Variants in CNTN3 observed in about 807,000 individuals in gnomAD.
CNTN3 encodes contactin-3.
In CNTN3, 60 loss-of-function variants were observed where a neutral mutation model predicts 119.1. The ratio of observed to expected loss-of-function variants is 0.50; its 90% confidence interval spans 0.41 to 0.62. The LOEUF is 0.62. Ranked by LOEUF, CNTN3 falls within the 20% of genes least tolerant of loss-of-function variation. The probability of loss-of-function intolerance (pLI) is 0.00; values close to 1 mark genes in which losing one functional copy is unlikely to be tolerated. For missense variants in CNTN3, 1,101 were observed against 1,242.4 expected (o/e 0.89, Z 1.71); for synonymous variants, 450 against 438.7 (o/e 1.03, Z -0.32).
chr3:74,555,536 C>G (rs1318257173), intron 1 of CNTN3, among the ~76,000 whole-genome samples: 3 of 152,184 alleles, frequency 2.0e-5, no homozygotes, highest in Admixed American at 2.0e-4. Context: ...GTGAATCCGT[C>G]TGGTCCTGAA....
rs114454492 is a variant in CNTN3, at chr3:74,264,457, G to A, written c.3031C>T (p.Pro1011Ser). 6.2e-6 allele frequency: 10 copies of A among 1,611,918 alleles called. No homozygotes were observed. The African/African-American group carries it at 1.2e-4, about 19-fold the overall frequency. Reference protein sequence around the residue: ...GSTSAISNVHPMSSYMPIVLF... With the variant: ...GSTSAISNVHSMSSYMPIVLF... ...ACTATAGGCATATAACTTGACATAGGGTGGACATTCGAGATGGCTGAAGTG... is the reference window on the plus strand; with the variant it reads ...ACTATAGGCATATAACTTGACATAGAGTGGACATTCGAGATGGCTGAAGTG... Residue 1011 changes from proline (P) to serine (S), a missense_variant, in exon 23 of 23, where the codon CCT becomes TCT. Coordinates refer to ENST00000263665, the MANE Select transcript of CNTN3 (RefSeq NM_020872.3).
In CNTN3 at chr3:74,432,034, T is replaced by A. The variant is rs537831088; in HGVS notation, c.359-7094A>T. Among the ~76,000 whole-genome samples the A allele has an allele frequency of 6.6e-5, 10 of 151,234 alleles. No homozygotes were observed. The East Asian group carries it at 2.0e-3, about 30-fold the overall frequency. On this transcript the variant is annotated intron_variant, in intron 4 of 22. Coordinates refer to ENST00000263665, the MANE Select transcript of CNTN3 (RefSeq NM_020872.3). ...AACACAGACACAGGCAATGCAATAG[T>A]CTTCCATACATAATATCTTAAACGT...
At chr3:74,369,566 G>T (rs1252991163) in intron 7 of CNTN3, among the ~76,000 whole-genome samples, 193 bp from the exon 8 acceptor site, 2 of 151,200 alleles carry the variant, frequency 1.3e-5, no homozygotes, top group East Asian at 3.9e-4. Context: ...AAAATAAACT[G>T]CATTTTTCTT....
intron 5 of CNTN3, among the ~76,000 whole-genome samples, chr3:74,415,743 A>C (rs4072122): frequency 0.6 from 91,294 of 151,986 alleles, 30,226 homozygotes; most frequent in East Asian, 0.81. Flanking sequence ...TTTCGTCCTT[A>C]ATCTCTGCCC....
intron 19 of CNTN3, among the ~76,000 whole-genome samples, chr3:74,286,201 G>GC (rs1392886937): frequency 6.6e-5 from 10 of 152,104 alleles, no homozygotes; most frequent in Non-Finnish European, 1.3e-4. Flanking sequence ...CATGAAGGTA[G>GC]CATCTACAGA....
chr3:74,584,215 C>A (rs182703515), intron 1 of CNTN3, among the ~76,000 whole-genome samples: 8 of 152,088 alleles, frequency 5.3e-5, no homozygotes, highest in Admixed American at 5.2e-4. Flanking sequence ...TCATTTTTTA[C>A]AATAAAATAT....
chr3:74,592,916 T>A (rs565479401), intron 1 of CNTN3, among the ~76,000 whole-genome samples: 2 of 152,130 alleles, frequency 1.3e-5, no homozygotes, highest in South Asian at 4.1e-4. Flanking sequence ...CTGCTGCCTT[T>A]AATCACTTCA....
intron 13 of CNTN3, among the ~76,000 whole-genome samples, chr3:74,318,698 C>A (rs1702900108): frequency 6.6e-6 from 1 of 152,056 alleles, no homozygotes; most frequent in Non-Finnish European, 1.5e-5. Flanking sequence ...AATGCTGCTG[C>A]CTGATCGTTC....
Position 74,497,339 on chromosome 3 carries a change from A to T in CNTN3, c.182+2320T>A, listed in dbSNP as rs571903163. ...TAAAATTAAAAGGTAGGAAAAAAAT[A>T]GGCCAAAAATAAAGATGTCATCTAA... On this transcript the variant is annotated intron_variant, in intron 3 of 22. Coordinates refer to ENST00000263665, the MANE Select transcript of CNTN3 (RefSeq NM_020872.3). Among the ~76,000 whole-genome samples, 15 of 152,108 alleles carry T rather than the reference A, an allele frequency of 9.9e-5. No homozygotes were observed. The South Asian group carries it at 2.9e-3, about 29-fold the overall frequency.
At chr3:74,286,283 A>T (rs1702115100) in intron 19 of CNTN3, among the ~76,000 whole-genome samples, 1 of 152,188 alleles carries the variant, frequency 6.6e-6, no homozygotes, top group South Asian at 2.1e-4. Flanking sequence ...AGCAGACCCA[A>T]CCAGTGGAAG....
chr3:74,513,377 T>A, intron 2 of CNTN3, among the ~76,000 whole-genome samples: 1 of 152,028 alleles, frequency 6.6e-6, no homozygotes, highest in East Asian at 1.9e-4. Context: ...ACCTCCCTGC[T>A]TATAAGATTG....
intron 3 of CNTN3, among the ~76,000 whole-genome samples, chr3:74,487,418 T>C (rs961042089): frequency 4.6e-5 from 7 of 152,180 alleles, no homozygotes; most frequent in South Asian, 2.1e-4. Flanking sequence ...ACCCAGCTCC[T>C]AGATGACCCA....
At chr3:74,469,990 G>C (rs145699021) in intron 4 of CNTN3, among the ~76,000 whole-genome samples, 1 of 152,290 alleles carries the variant, frequency 6.6e-6, no homozygotes, top group African/African-American at 2.4e-5. Context: ...AACAGCATGT[G>C]ATATAGCTAA....
intron 1 of CNTN3, among the ~76,000 whole-genome samples, chr3:74,548,672 A>AT (rs147324327): frequency 0.071 from 10,761 of 152,184 alleles, 414 homozygotes; most frequent in Admixed American, 0.094. Context: ...TGAAACCATT[A>AT]TTTTTTTCAT....
At chr3:74,374,051 A>G (rs1175225941) in intron 5 of CNTN3, among the ~76,000 whole-genome samples, 1 of 152,030 alleles carries the variant, frequency 6.6e-6, no homozygotes, top group Non-Finnish European at 1.5e-5. Context: ...CCTAGTACTG[A>G]ACTGAATGGA....
At chr3:74,481,487 C>T (rs1407039723) in intron 4 of CNTN3, among the ~76,000 whole-genome samples, 4 of 151,780 alleles carry the variant, frequency 2.6e-5, no homozygotes, top group African/African-American at 9.7e-5. Context: ...ATTTAAAATA[C>T]ATGTCACGTC....
chr3:74,387,114 T>C (rs1416698458), intron 5 of CNTN3, among the ~76,000 whole-genome samples: 2 of 152,312 alleles, frequency 1.3e-5, no homozygotes, highest in South Asian at 2.1e-4. Context: ...AGTGATGATG[T>C]GTGGAGATGT....
intron 1 of CNTN3, among the ~76,000 whole-genome samples, chr3:74,582,449 T>C (rs1442541024): frequency 1.3e-5 from 2 of 151,612 alleles, no homozygotes; most frequent in Non-Finnish European, 2.9e-5. Flanking sequence ...AGCCACACTC[T>C]AGGAAAAATA....
In CNTN3 at chr3:74,320,725, T is replaced by C. The variant is rs188699869; in HGVS notation, c.1668+14010A>G. 2.0e-5 allele frequency among the ~76,000 whole-genome samples: 3 copies of C among 152,312 alleles called. No individual in the cohort carries two copies. The East Asian group carries it at 5.8e-4, about 29-fold the overall frequency. On this transcript the variant is annotated intron_variant, in intron 13 of 22. Transcript: ENST00000263665. ...AGATCCAACTTCATGAAGACGTCCC[T>C]GAGCCTCATGGTTAGAACTCATGGT...
Sources: gnomAD v4.1 joint callset for allele counts (sites outside exome capture counted in the v4.1 genomes callset) on GRCh38, gnomAD v4.1.1 for gene constraint, MANE v1.5 for transcripts, NCBI Gene and HGNC (gene_info 2026-07-23, HGNC 2026-07-21) for gene names.